Variants in GABRA3 observed in about 807,000 individuals in gnomAD.
GABRA3 encodes the protein gamma-aminobutyric acid type A receptor subunit alpha3.
In GABRA3, 10 loss-of-function variants were observed where a neutral mutation model predicts 30.1. That is an observed-to-expected ratio of 0.33 (90% confidence interval 0.20 to 0.56). GABRA3 has a LOEUF of 0.56. GABRA3 is among the 20% of genes least tolerant of loss of function. The pLI is 0.89. For synonymous variants in GABRA3, 151 were observed against 146.8 expected, an observed-to-expected ratio of 1.03 and a Z score of -0.21; for missense variants, 233 against 392.0, an observed-to-expected ratio of 0.59 and a Z score of 3.42.
intron 1 of GABRA3, among the ~76,000 whole-genome samples, chrX:152,433,651 G>A (rs1233208833): frequency 2.0e-5 from 2 of 101,863 alleles, no homozygotes; most frequent in African/African-American, 3.6e-5. Context: ...GCAAACAAAA[G>A]GAAGGAAATA....
intron 9 of GABRA3, among the ~76,000 whole-genome samples, chrX:152,174,074 A>T (rs1248679163): frequency 9.1e-6 from 1 of 110,443 alleles, no homozygotes; most frequent in Non-Finnish European, 1.9e-5. Context: ...GTTTGCTGAG[A>T]ATGATGGTTT....
intron 4 of GABRA3, among the ~76,000 whole-genome samples, chrX:152,275,224 A>AAATTATATATATT (rs1207724415): frequency 2.9e-5 from 2 of 69,332 alleles, no homozygotes; most frequent in African/African-American, 1.3e-4. Flanking sequence ...TTATATATAT[A>AAATTATATATATT]TAATTTATAT....
intron 3 of GABRA3, among the ~76,000 whole-genome samples, chrX:152,298,761 A>T (rs1939579772): frequency 2.7e-5 from 3 of 111,503 alleles, no homozygotes; most frequent in Admixed American, 9.5e-5. Flanking sequence ...GGCTGGGTTA[A>T]ATGGTATTTC....
At chrX:152,363,983 T>C (rs1928581352) in intron 2 of GABRA3, among the ~76,000 whole-genome samples, 1 of 110,760 alleles carries the variant, frequency 9.0e-6, no homozygotes, top group Non-Finnish European at 1.9e-5. Flanking sequence ...GGTAAATAGA[T>C]GCAATGAAGC....
chrX:152,400,249 G>A (rs1416244525), intron 1 of GABRA3, among the ~76,000 whole-genome samples: 2 of 111,230 alleles, frequency 1.8e-5, no homozygotes, highest in East Asian at 5.6e-4. Context: ...TCGGGAGACT[G>A]AGGTAGGAGG....
At chrX:152,310,862 G>T (rs1404203716) in intron 3 of GABRA3, among the ~76,000 whole-genome samples, 1 of 110,863 alleles carries the variant, frequency 9.0e-6, no homozygotes, top group African/African-American at 3.3e-5. Flanking sequence ...AATACTATCA[G>T]AAATGACTAA....
chrX:152,197,611 C>A (rs201250637), intron 8 of GABRA3, 22 bp downstream of exon 8: 2 of 1,178,079 alleles, frequency 1.7e-6, no homozygotes, highest in African/African-American at 1.8e-5. Flanking sequence ...CTTTCCCCTA[C>A]GCTCCATAAA....
chrX:152,242,059 T>C (rs968593845), intron 5 of GABRA3, among the ~76,000 whole-genome samples: 4 of 111,815 alleles, frequency 3.6e-5, no homozygotes, highest in Non-Finnish European at 7.5e-5. Context: ...CAAAACAGCA[T>C]GGTACTAACA....
At chrX:152,288,218 C>T (rs888351535) in intron 3 of GABRA3, among the ~76,000 whole-genome samples, 11 of 111,794 alleles carry the variant, frequency 9.8e-5, no homozygotes, top group African/African-American at 2.9e-4. Context: ...ACACGGGGAC[C>T]ACTATGCCTT....
At position 152,274,985 on chromosome X, in the gene GABRA3, T is replaced by G. The variant is rs1939017682; in HGVS notation, c.330+9683A>C. ...ATGGGTACATGGAGCCCAATTACAC[T>G]ATTTTTTTCTACTTTGGGGTGTGTG... On this transcript the variant is annotated intron_variant, in intron 4 of 9. Transcript: ENST00000370314. Among the ~76,000 whole-genome samples, 2 of 102,157 alleles carry G rather than the reference T, an allele frequency of 2.0e-5. 1 individual carries two copies. Among genetic ancestry groups the G allele is most frequent in the South Asian group, 8.3e-4 (2 of 2,402 alleles). 88.7% of individuals were successfully genotyped at this position (102,157 alleles called of 115,157 possible).
At chrX:152,367,184 C>T (rs1928681304) in intron 1 of GABRA3, among the ~76,000 whole-genome samples, 1 of 110,545 alleles carries the variant, frequency 9.0e-6, no homozygotes, top group African/African-American at 3.3e-5. Flanking sequence ...GGCTATGTTG[C>T]AAAAGTAGAC....
chrX:152,346,023 G>A (rs1287184766), intron 2 of GABRA3, among the ~76,000 whole-genome samples: 1 of 111,634 alleles, frequency 9.0e-6, no homozygotes, highest in Non-Finnish European at 1.9e-5. Context: ...CCGGCATACA[G>A]TTGGTTCATC....
At chrX:152,221,774 A>G (rs1937844334) in intron 6 of GABRA3, among the ~76,000 whole-genome samples, 2 of 111,803 alleles carry the variant, frequency 1.8e-5, no homozygotes. Flanking sequence ...GGTCTGTTAC[A>G]TAGGTAAACC....
At chrX:152,319,980 C>G (rs750520314) in intron 3 of GABRA3, among the ~76,000 whole-genome samples, 1 of 111,391 alleles carries the variant, frequency 9.0e-6, no homozygotes, top group South Asian at 3.8e-4. Flanking sequence ...AAATGCTCAA[C>G]ATCACTAATG....
chrX:152,182,019 T>C (rs1331636507), intron 9 of GABRA3, among the ~76,000 whole-genome samples: 1 of 110,244 alleles, frequency 9.1e-6, no homozygotes, highest in Non-Finnish European at 1.9e-5. Flanking sequence ...CCACTGAGTA[T>C]GATGTTAGCT....
intron 2 of GABRA3, among the ~76,000 whole-genome samples, chrX:152,361,006 C>A (rs1928485190): frequency 1.9e-5 from 2 of 105,593 alleles, no homozygotes; most frequent in African/African-American, 6.9e-5. Context: ...TCATGTGAGC[C>A]CAGGAGTTTG....
In GABRA3 at chrX:152,170,428, C is replaced by T. The variant is rs1242652849; in HGVS notation, c.1144-1865G>A. 4.4e-5 allele frequency among the ~76,000 whole-genome samples: 5 copies of T among 112,497 alleles called. No individual in the cohort carries two copies. The Admixed American group carries it at 4.7e-4, about 11-fold the overall frequency. ...TCCTGGGCTCAAGTGATTCTCCCGC[C>T]TCAGGCTCCTGAGTAGCTGGGACTA... On this transcript the variant is annotated intron_variant, in intron 9 of 9. Transcript: ENST00000370314.
chrX:152,387,840 C>T (rs1383798498), intron 1 of GABRA3, among the ~76,000 whole-genome samples: 2 of 110,926 alleles, frequency 1.8e-5, no homozygotes, highest in African/African-American at 6.5e-5. Context: ...CTAGTGTGAG[C>T]GTAAATCTAT....
intron 3 of GABRA3, among the ~76,000 whole-genome samples, chrX:152,323,081 G>C (rs1272628388): frequency 9.2e-6 from 1 of 109,224 alleles, no homozygotes; most frequent in Non-Finnish European, 1.9e-5. Context: ...TTGATCTCTT[G>C]ATCTCGTGAT....
Sources: gnomAD v4.1 joint callset for allele counts (sites outside exome capture counted in the v4.1 genomes callset) on GRCh38, gnomAD v4.1.1 for gene constraint, MANE v1.5 for transcripts, NCBI Gene and HGNC (gene_info 2026-07-23, HGNC 2026-07-21) for gene names.